The following ZNF786 variants were observed in gnomAD, a reference collection of about 807,000 sequenced individuals.
The protein encoded by ZNF786 is zinc finger protein 786.
Under a neutral mutation model 63.1 loss-of-function variants are expected in ZNF786, and 56 were observed. That is an observed-to-expected ratio of 0.89 (90% confidence interval 0.72 to 1.11). The LOEUF (loss-of-function observed/expected upper bound fraction) is 1.11. Ranked by LOEUF, ZNF786 falls within the 50% of genes least tolerant of loss-of-function variation. The pLI, the probability that ZNF786 is intolerant of heterozygous loss-of-function variation, is 0.00. For synonymous variants in ZNF786, 485 were observed against 406.9 expected (o/e 1.19, Z -2.31); for missense variants, 1,213 against 1,041.8 (o/e 1.16, Z -2.26).
rs766044851 is a variant in ZNF786 at position 149,071,113 on chromosome 7, C to T, written c.1659G>A (p.Lys553=). 16 of 1,609,982 alleles carry T rather than the reference C, an allele frequency of 9.9e-6. No individual in the cohort carries two copies. Among genetic ancestry groups the T allele is most frequent in the Non-Finnish European group, 1.4e-5 (16 of 1,178,388 alleles). Residue 553 remains lysine (K), a synonymous_variant, in exon 4 of 4, where the codon AAG becomes AAA. Transcript: ENST00000491431. ...DKRFRLKGIL[K]AHQHTHSKER... ...CCTTGCTGTGCGTGTGCTGGTGGGC[C>T]TTCAGGATGCCCTTCAGGCGGAAGC...
rs779905696 is a variant in ZNF786 at position 149,072,271 on chromosome 7, A to G, written c.501T>C (p.Gly167=). The change falls in exon 4 of 4, where the codon GGT becomes GGC. Residue 167 remains glycine (G), a synonymous_variant. Transcript: ENST00000491431. ...SESTLKEGIP[G]PRNLDLPGLW... ...AACCAGGAAGATCCAGATTTCTGGG[A>G]CCTGGGATTCCTTCTTTTAGGGTAG... 11 of 1,613,518 alleles carry G rather than the reference A, an allele frequency of 6.8e-6. No homozygotes were observed. The highest frequency in any genetic ancestry group is 9.3e-6 in the Non-Finnish European group (11 of 1,179,770).
Position 149,072,478 on chromosome 7 carries a change from A to G in ZNF786, c.299-5T>C. On this transcript the variant is annotated splice_polypyrimidine_tract_variant and splice_region_variant and intron_variant, in intron 3 of 3. Transcript: ENST00000491431. The stretch of plus-strand genomic sequence containing the variant: ...AATTCATAGCCTGCTGGCTTCCTGC[A>G]ATTGAAAACAAAAATTCAGTCGGTA... 4.5e-6 allele frequency: 7 copies of G among 1,566,554 alleles called. No homozygotes were observed. The highest frequency in any genetic ancestry group is 6.0e-6 in the Non-Finnish European group (7 of 1,160,022).
At chr7:149,074,569 G>A in intron 2 of ZNF786, 31 bp from the exon 3 acceptor site, 2 of 1,594,074 alleles carry the variant, frequency 1.3e-6, no homozygotes, top group Non-Finnish European at 1.7e-6. Flanking sequence ...GGGTAGTTTG[G>A]CTTCCTGAAT....
At chr7:149,078,608 C>T (rs1158160887) in intron 2 of ZNF786, among the ~76,000 whole-genome samples, 1 of 151,958 alleles carries the variant, frequency 6.6e-6, no homozygotes, top group African/African-American at 2.4e-5. Context: ...TGCTTGAACC[C>T]AGGAGGCGGA....
chr7:149,084,131 C>T (rs1338912186), intron 1 of ZNF786, among the ~76,000 whole-genome samples: 10 of 151,976 alleles, frequency 6.6e-5, no homozygotes, highest in African/African-American at 1.9e-4. Flanking sequence ...GAGGCCGAGG[C>T]GGGCAGATCA....
At chr7:149,075,170 G>T (rs2129514827) in intron 2 of ZNF786, among the ~76,000 whole-genome samples, 1 of 152,284 alleles carries the variant, frequency 6.6e-6, no homozygotes, top group Middle Eastern at 3.4e-3. Flanking sequence ...CCAGATCATA[G>T]GGTCCAATTT....
intron 2 of ZNF786, among the ~76,000 whole-genome samples, chr7:149,075,013 G>A (rs1348833140): frequency 6.6e-6 from 1 of 151,700 alleles, no homozygotes; most frequent in Non-Finnish European, 1.5e-5. Context: ...CATTTTTAGT[G>A]GAGACGGGTT....
At chr7:149,082,403 GT>G in intron 1 of ZNF786, 1 of 283,316 alleles carries the variant, frequency 3.5e-6, no homozygotes, top group Non-Finnish European at 5.3e-6. Context: ...GTTTATTACA[GT>G]TGACTTAGAT....
At chr7:149,073,297 A>G (rs1222521444) in intron 3 of ZNF786, among the ~76,000 whole-genome samples, 1 of 152,194 alleles carries the variant, frequency 6.6e-6, no homozygotes, top group African/African-American at 2.4e-5. Context: ...CTCTCTCCTC[A>G]TGACAAGAAA....
intron 2 of ZNF786, among the ~76,000 whole-genome samples, chr7:149,075,127 C>T (rs977164961): frequency 2.0e-5 from 3 of 152,158 alleles, no homozygotes; most frequent in African/African-American, 7.2e-5. Flanking sequence ...CTGCGCCCAG[C>T]CTTCAATATT....
rs1825427512 is a variant in ZNF786 at position 149,071,866 on chromosome 7, G to A, written c.906C>T (p.Gly302=). The A allele has an allele frequency of 1.3e-6, 2 of 1,599,624 alleles. No homozygotes were observed. Among genetic ancestry groups the A allele is most frequent in the Non-Finnish European group, 1.7e-6 (2 of 1,175,966 alleles). ...TGCTGTCCACTGGGAGGGAGCGCTTGCCGCATGGGGTGCACTGGGCAGGCT... is the reference window on the plus strand; with the variant it reads ...TGCTGTCCACTGGGAGGGAGCGCTTACCGCATGGGGTGCACTGGGCAGGCT... ...GEKPAQCTPC[G]KRSLPVDSTQ... The change falls in exon 4 of 4, where the codon GGC becomes GGT. Residue 302 remains glycine (G), a synonymous_variant. Coordinates refer to ENST00000491431, the MANE Select transcript of ZNF786 (RefSeq NM_152411.4).
At chr7:149,073,747 G>GTGTATATATATA (rs1447329296) in intron 3 of ZNF786, among the ~76,000 whole-genome samples, 3 of 77,570 alleles carry the variant, frequency 3.9e-5, no homozygotes, top group East Asian at 5.3e-4. Flanking sequence ...GTGTGTGTGT[G>GTGTATATATATA]TATATATATA....
At position 149,071,472 on chromosome 7, in the gene ZNF786, A is replaced by G; in HGVS notation, c.1300T>C (p.Phe434Leu). The G allele has an allele frequency of 6.2e-7, 1 of 1,612,852 alleles. No individual in the cohort carries two copies. Among genetic ancestry groups the G allele is most frequent in the Non-Finnish European group, 8.5e-7 (1 of 1,179,734 alleles). ...PFSCRKCGKG[F>L]AKQCKLTEHI... ...TCCGTGAGTTTACACTGCTTGGCGA[A>G]GCCCTTGCCACACTTCCTGCAGGAG... The change falls in exon 4 of 4, where the codon TTC becomes CTC. Residue 434 changes from phenylalanine to leucine, a missense_variant. Transcript: ENST00000491431.
At chr7:149,079,711 C>T (rs1287278316) in intron 2 of ZNF786, among the ~76,000 whole-genome samples, 1 of 149,882 alleles carries the variant, frequency 6.7e-6, no homozygotes, top group Non-Finnish European at 1.5e-5. Flanking sequence ...GCTGGGACTA[C>T]AGGCGCCCGC....
At chr7:149,089,608 C>T (rs560386412) in intron 1 of ZNF786, among the ~76,000 whole-genome samples, 2 of 152,098 alleles carry the variant, frequency 1.3e-5, no homozygotes, top group African/African-American at 2.4e-5. Flanking sequence ...TAAACCACGG[C>T]GCCTGGCCTG....
At position 149,073,745 on chromosome 7, in the gene ZNF786, G is replaced by GTGTGTGTA. The variant is rs1447122638; in HGVS notation, c.298+640_298+641insTACACACA. Reference sequence around the variant, plus strand: ...TGTGCGTGTGTGTGTGTGTGTGTGTGTGTATATATATATATATATATATAT... The same window carrying GTGTGTGTA: ...TGTGCGTGTGTGTGTGTGTGTGTGTGTGTGTGTATGTATATATATATATATATATATAT... On this transcript the variant is annotated intron_variant, in intron 3 of 3. Coordinates refer to ENST00000491431, the MANE Select transcript of ZNF786 (RefSeq NM_152411.4). Among the ~76,000 whole-genome samples, 97 of 67,702 alleles carry GTGTGTGTA rather than the reference G, an allele frequency of 1.4e-3. 2 individuals are homozygous for GTGTGTGTA. Among genetic ancestry groups the GTGTGTGTA allele is most frequent in the Non-Finnish European group, 2.1e-3 (75 of 35,554 alleles). 44.4% of individuals were successfully genotyped at this position (67,702 alleles called of 152,430 possible).
chr7:149,071,860 G>A lies in ZNF786; in HGVS notation c.912C>T (p.Arg304=). 1 of 1,598,684 alleles carries A rather than the reference G, an allele frequency of 6.3e-7. No homozygotes were observed. The highest frequency in any genetic ancestry group is 1.1e-5 in the South Asian group (1 of 90,670). Residue 304 remains arginine (R), a synonymous_variant, in exon 4 of 4, where the codon CGC becomes CGT. Coordinates refer to ENST00000491431, the MANE Select transcript of ZNF786 (RefSeq NM_152411.4). Reference sequence around the variant, plus strand: ...CCTGCGTGCTGTCCACTGGGAGGGAGCGCTTGCCGCATGGGGTGCACTGGG... The same window carrying A: ...CCTGCGTGCTGTCCACTGGGAGGGAACGCTTGCCGCATGGGGTGCACTGGG... ...KPAQCTPCGK[R]SLPVDSTQAR... is the part of the protein sequence containing the mutation.
At position 149,071,610 on chromosome 7, in the gene ZNF786, A is replaced by G. The variant is rs777905126; in HGVS notation, c.1162T>C (p.Cys388Arg). 57 of 1,596,824 alleles carry G rather than the reference A, an allele frequency of 3.6e-5. No individual in the cohort carries two copies. The highest frequency in any genetic ancestry group is 4.6e-5 in the Non-Finnish European group (54 of 1,173,422). The change falls in exon 4 of 4, where the codon TGC (cysteine) becomes CGC (arginine). Residue 388 changes from cysteine to arginine, a missense_variant. Transcript: ENST00000491431. ...SPMSARLASPCRAHTGEKPFQ... is the reference protein window; with the variant it reads ...SPMSARLASPRRAHTGEKPFQ... ...GGCTTTTCTCCAGTATGCGCCCTGC[A>G]GGGGCTGGCGAGCCTGGCGCTCATA...
At chr7:149,082,956 C>T (rs770339259) in intron 1 of ZNF786, among the ~76,000 whole-genome samples, 9 of 151,908 alleles carry the variant, frequency 5.9e-5, no homozygotes, top group African/African-American at 1.7e-4. Context: ...AGTGCAGTGG[C>T]GTGATCTTGG....
Sources: gnomAD v4.1 joint callset for allele counts (sites outside exome capture counted in the v4.1 genomes callset) on GRCh38, gnomAD v4.1.1 for gene constraint, MANE v1.5 for transcripts, NCBI Gene and HGNC (gene_info 2026-07-23, HGNC 2026-07-21) for gene names.